MYOZ2: variants seen among roughly 807,000 people sequenced by gnomAD.
The protein encoded by MYOZ2 is myozenin-2.
A neutral mutation model predicts 25.4 loss-of-function variants in MYOZ2; 19 were observed. The observed-to-expected ratio is 0.75, with a 90% CI of 0.52 to 1.10. The LOEUF is 1.10. Among genes scored for constraint, MYOZ2 ranks in the 50% least tolerant of loss-of-function variants. The pLI is 0.00. For synonymous variants in MYOZ2, 92 were observed against 106.9 expected (o/e 0.86, Z 0.86); for missense variants, 270 against 317.9 (o/e 0.85, Z 1.15).
chr4:119,183,776 T>C (rs1234639207), intron 5 of MYOZ2, among the ~76,000 whole-genome samples: 2 of 152,026 alleles, frequency 1.3e-5, no homozygotes, highest in South Asian at 2.1e-4. Flanking sequence ...CATTTCTTGC[T>C]TGAGTTACTG....
Position 119,136,546 on chromosome 4 carries a change from G to A in MYOZ2, c.21G>A (p.Met7Ile). 1 of 1,613,592 alleles carries A rather than the reference G, an allele frequency of 6.2e-7. No individual in the cohort carries two copies. Among genetic ancestry groups the A allele is most frequent in the Non-Finnish European group, 8.5e-7 (1 of 1,179,628 alleles). Residue 7 changes from methionine (M) to isoleucine (I), a missense_variant, in exon 2 of 6, where the codon ATG becomes ATA. Coordinates refer to ENST00000307128, the MANE Select transcript of MYOZ2 (RefSeq NM_016599.5). ...AAACCATGCTATCACATAATACTAT[G>A]ATGAAGCAGAGAAAACAGCAAGCAA... Reference protein sequence around the residue: MLSHNTMMKQRKQQATA... With the variant: MLSHNTIMKQRKQQATA...
At chr4:119,184,607 T>A (rs934586458) in intron 5 of MYOZ2, among the ~76,000 whole-genome samples, 1 of 152,242 alleles carries the variant, frequency 6.6e-6, no homozygotes, top group African/African-American at 2.4e-5. Flanking sequence ...TTGTATATGT[T>A]TATGTTTAGG....
intron 5 of MYOZ2, among the ~76,000 whole-genome samples, chr4:119,165,337 C>A (rs1035332309): frequency 6.6e-6 from 1 of 151,016 alleles, no homozygotes; most frequent in Non-Finnish European, 1.5e-5. Flanking sequence ...TAGCAAGAAC[C>A]CTGTCTCTAC....
chr4:119,173,672 C>T (rs1741991001), intron 5 of MYOZ2, among the ~76,000 whole-genome samples: 1 of 152,236 alleles, frequency 6.6e-6, no homozygotes. Flanking sequence ...TGGGCTCCCA[C>T]TTTGGCGGCA....
intron 5 of MYOZ2, among the ~76,000 whole-genome samples, chr4:119,172,773 A>G (rs776393198): frequency 1.3e-3 from 196 of 152,362 alleles, no homozygotes; most frequent in Non-Finnish European, 2.5e-3. Flanking sequence ...AAGTTAAACC[A>G]TAAATTTCTC....
intron 2 of MYOZ2, among the ~76,000 whole-genome samples, chr4:119,143,279 T>A (rs1179568759): frequency 6.6e-6 from 1 of 151,966 alleles, no homozygotes; most frequent in African/African-American, 2.4e-5. Flanking sequence ...CACTGCAACC[T>A]CTGCCTCCCA....
chr4:119,145,655 G>A (rs11098486), intron 2 of MYOZ2, among the ~76,000 whole-genome samples: 51,771 of 151,674 alleles, frequency 0.34, 10,044 homozygotes, highest in Non-Finnish European at 0.45. Context: ...GATTACAGGC[G>A]TGAGCCATCC....
At chr4:119,167,380 G>A (rs2149226204) in intron 5 of MYOZ2, among the ~76,000 whole-genome samples, 1 of 152,334 alleles carries the variant, frequency 6.6e-6, no homozygotes, top group Middle Eastern at 3.4e-3. Flanking sequence ...GAGAGGCAAG[G>A]GAGTTGCAGA....
chr4:119,178,571 T>G (rs1162772315), intron 5 of MYOZ2, among the ~76,000 whole-genome samples: 4 of 152,190 alleles, frequency 2.6e-5, no homozygotes, highest in Admixed American at 2.6e-4. Flanking sequence ...CACCTTATAC[T>G]CTATACCATC....
At chr4:119,167,267 T>C (rs772564234) in intron 5 of MYOZ2, among the ~76,000 whole-genome samples, 1 of 152,184 alleles carries the variant, frequency 6.6e-6, no homozygotes, top group Non-Finnish European at 1.5e-5. Flanking sequence ...AAAGTTTGAG[T>C]AGTCTGGATG....
intron 3 of MYOZ2, among the ~76,000 whole-genome samples, chr4:119,156,456 A>G (rs1741578992): frequency 6.6e-6 from 1 of 152,120 alleles, no homozygotes; most frequent in African/African-American, 2.4e-5. Context: ...TTCAGTATGC[A>G]ATAAAGTGTG....
intron 2 of MYOZ2, among the ~76,000 whole-genome samples, chr4:119,146,205 T>G (rs1741286451): frequency 6.6e-6 from 1 of 152,114 alleles, no homozygotes; most frequent in Non-Finnish European, 1.5e-5. Flanking sequence ...TCTGTTGTTT[T>G]TCTGTTTTTT....
At chr4:119,143,561 C>T (rs1578724697) in intron 2 of MYOZ2, among the ~76,000 whole-genome samples, 1 of 152,166 alleles carries the variant, frequency 6.6e-6, no homozygotes, top group African/African-American at 2.4e-5. Flanking sequence ...AACTAAAGTC[C>T]ATAGTTTACA....
At position 119,158,230 on chromosome 4, in the gene MYOZ2, T is replaced by C; in HGVS notation, c.376+79T>C. The stretch of plus-strand genomic sequence containing the variant: ...TGACTCAAGGCATTTAAAGCCTTTA[T>C]TGAATAGTATTTAAATAATATATCT... On this transcript the variant is annotated intron_variant, in intron 4 of 5. Transcript: ENST00000307128. 3.9e-6 allele frequency: 6 copies of C among 1,540,872 alleles called. No individual in the cohort carries two copies. In the South Asian group the frequency reaches 6.7e-5, roughly 17 times the overall value.
chr4:119,185,051 G>A (rs1236785377), intron 5 of MYOZ2, among the ~76,000 whole-genome samples: 1 of 152,092 alleles, frequency 6.6e-6, no homozygotes, highest in African/African-American at 2.4e-5. Flanking sequence ...AAGTCAGGGA[G>A]GAAACTGCCT....
At chr4:119,161,918 T>C (rs1174436691) in intron 4 of MYOZ2, among the ~76,000 whole-genome samples, 4 of 152,094 alleles carry the variant, frequency 2.6e-5, no homozygotes, top group Non-Finnish European at 4.4e-5. Context: ...GGTGGTGAGA[T>C]TTTGAGGAAT....
chr4:119,146,873 T>G (rs533668124), intron 2 of MYOZ2, among the ~76,000 whole-genome samples: 2 of 152,322 alleles, frequency 1.3e-5, no homozygotes, highest in East Asian at 3.9e-4. Flanking sequence ...TCTACTTTTT[T>G]ACTTTAAATA....
At chr4:119,154,349 G>T (rs1483958446) in intron 3 of MYOZ2, among the ~76,000 whole-genome samples, 1 of 152,028 alleles carries the variant, frequency 6.6e-6, no homozygotes, top group Non-Finnish European at 1.5e-5. Flanking sequence ...ATCTTCATTT[G>T]TCTTTCCAAC....
chr4:119,175,289 C>T (rs1274666399), intron 5 of MYOZ2, among the ~76,000 whole-genome samples: 1 of 152,048 alleles, frequency 6.6e-6, no homozygotes, highest in Non-Finnish European at 1.5e-5. Flanking sequence ...AATTGCCAAC[C>T]CAAATACTGT....
Sources: allele counts gnomAD v4.1 joint callset (sites outside exome capture counted in the v4.1 genomes callset), GRCh38; gene constraint gnomAD v4.1.1; transcripts MANE v1.5; gene names NCBI Gene and HGNC (gene_info 2026-07-23, HGNC 2026-07-21).